LPIN1: variants seen among roughly 807,000 people sequenced by gnomAD.
LPIN1 encodes the protein lipin 1.
Under a neutral mutation model 107.5 loss-of-function variants are expected in LPIN1, and 71 were observed. The ratio of observed to expected loss-of-function variants is 0.66; its 90% confidence interval spans 0.55 to 0.80. LPIN1 has a LOEUF of 0.80. Ranked by LOEUF, LPIN1 falls within the 30% of genes least tolerant of loss-of-function variation. LPIN1 has a pLI of 0.00. For missense variants in LPIN1, 1,043 were observed against 1,160.6 expected (o/e 0.90, Z 1.47); for synonymous variants, 445 against 452.6 (o/e 0.98, Z 0.21).
At chr2:11,814,168 G>C (rs1362143210) in intron 17 of LPIN1, among the ~76,000 whole-genome samples, 3 of 152,016 alleles carry the variant, frequency 2.0e-5, no homozygotes, top group African/African-American at 7.2e-5. Flanking sequence ...TGGCTGCTGA[G>C]GAGGAGAACA....
intron 2 of LPIN1, among the ~76,000 whole-genome samples, chr2:11,714,468 G>T (rs1048933695): frequency 6.6e-6 from 1 of 152,190 alleles, no homozygotes; most frequent in Admixed American, 6.5e-5. Flanking sequence ...TTGTTTGGGT[G>T]GGGGGATATT....
intron 17 of LPIN1, among the ~76,000 whole-genome samples, chr2:11,810,341 G>A (rs949359998): frequency 1.3e-5 from 2 of 152,156 alleles, no homozygotes; most frequent in Non-Finnish European, 2.9e-5. Context: ...GGAGGAGCAG[G>A]GTTTCAAAGG....
At chr2:11,822,134 A>C (rs947953451) in intron 20 of LPIN1, among the ~76,000 whole-genome samples, 1 of 152,086 alleles carries the variant, frequency 6.6e-6, no homozygotes, top group Non-Finnish European at 1.5e-5. Context: ...TAATTTATAC[A>C]GGAGAAAGGA....
intron 1 of LPIN1, among the ~76,000 whole-genome samples, chr2:11,758,246 C>T (rs1361793870): frequency 1.3e-5 from 2 of 151,468 alleles, no homozygotes; most frequent in Non-Finnish European, 2.9e-5. Flanking sequence ...AATATCTTTT[C>T]GAGACCTGCT....
At chr2:11,717,591 T>C (rs1371041889) in intron 2 of LPIN1, among the ~76,000 whole-genome samples, 2 of 151,828 alleles carry the variant, frequency 1.3e-5, no homozygotes, top group East Asian at 1.9e-4. Flanking sequence ...CTTGTTACCA[T>C]TGGAATCTAT....
At chr2:11,684,978 G>C (rs535421224) in intron 1 of LPIN1, among the ~76,000 whole-genome samples, 5 of 152,250 alleles carry the variant, frequency 3.3e-5, no homozygotes, top group African/African-American at 9.6e-5. Flanking sequence ...CAGTCCAGGT[G>C]GGGGAGAAAA....
rs946594237 is a variant in LPIN1 at position 11,741,521 on chromosome 2, C to T, written c.9+93C>T. ...TTGGCAACTGCAAGGAAAAGAACTG[C>T]GTAAATTGGTTCCAAACATTGCCAC... On this transcript the variant is annotated intron_variant, in intron 2 of 21. Coordinates refer to the LPIN1 transcript ENST00000396097. The T allele has an allele frequency of 3.4e-5, 35 of 1,028,352 alleles. No homozygotes were observed. The African/African-American group carries it at 3.9e-4, about 11-fold the overall frequency. 63.7% of individuals were successfully genotyped at this position (1,028,352 alleles called of 1,614,324 possible).
At position 11,771,806 on chromosome 2, in the gene LPIN1, C is replaced by T; in HGVS notation, c.596+127C>T. 1 of 996,620 alleles carries T rather than the reference C, an allele frequency of 1.0e-6. No individual in the cohort carries two copies. Among genetic ancestry groups the T allele is most frequent in the Non-Finnish European group, 1.5e-6 (1 of 679,414 alleles). 61.7% of individuals were successfully genotyped at this position (996,620 alleles called of 1,614,324 possible). Reference sequence around the variant, plus strand: ...GTGTTTTAGACCAGTGGTCCCCAACCTTTTTGGCACTAGGGACCAGTTTTG... The same window carrying T: ...GTGTTTTAGACCAGTGGTCCCCAACTTTTTTGGCACTAGGGACCAGTTTTG... On this transcript the variant is annotated intron_variant, in intron 4 of 20. Transcript: ENST00000674199. The surrounding 1 kb of genome is among the most constrained non-coding windows in gnomAD (Gnocchi z 4.8).
chr2:11,782,446 A>C lies in LPIN1; in HGVS notation c.1203A>C (p.Lys401Asn), dbSNP rs1002583944. ...APLLPMIEEL[K>N]PPSASVVQTA... ...TCTTGCCCATGATCGAGGAGCTCAA[A>C]CCCCCCTCTGCCAGTGTAGTCCAGA... is the stretch of plus-strand genomic sequence containing the variant. Residue 401 changes from lysine (K) to asparagine (N), a missense_variant, in exon 8 of 21, where the codon AAA becomes AAC. By Grantham distance (94) the Lys-to-Asn change is moderately conservative (BLOSUM62 0). Transcript: ENST00000674199. 2 of 1,613,874 alleles carry C rather than the reference A, an allele frequency of 1.2e-6. No homozygotes were observed. The highest frequency in any genetic ancestry group is 2.7e-5 in the African/African-American group (2 of 74,836).
chr2:11,687,453 G>A (rs1479150728), intron 1 of LPIN1, among the ~76,000 whole-genome samples: 5 of 151,796 alleles, frequency 3.3e-5, no homozygotes, highest in African/African-American at 4.9e-5. Context: ...GCAGGCGGAT[G>A]TGATATCTCC....
In LPIN1 at chr2:11,785,128, C is replaced by T; in HGVS notation, c.1549+52C>T. 2.1e-6 allele frequency: 3 copies of T among 1,409,212 alleles called. No individual in the cohort carries two copies. The South Asian group carries it at 4.1e-5, about 19-fold the overall frequency. The allele number at this position is 1,409,212 out of a possible 1,614,324, so 87.3% of individuals were successfully genotyped here. On this transcript the variant is annotated intron_variant, in intron 10 of 20. Transcript: ENST00000674199. The stretch of plus-strand genomic sequence containing the variant: ...TCTGGTGGCCGCCGGTCAGAAGGCG[C>T]AGAGGCTTAGGCTTCTCCAAGGAGT...
rs1174130211 is a variant in LPIN1, at chr2:11,785,218, A to G, written c.1549+142A>G. On this transcript the variant is annotated intron_variant, in intron 10 of 20. Coordinates refer to ENST00000674199, the MANE Select transcript of LPIN1 (RefSeq NM_001349206.2). ...TAGCACAGATGATAGCACCGAACTC[A>G]TAATCCCGATGTTTCTGGCTTGCAG... The G allele has an allele frequency of 4.6e-6, 3 of 652,260 alleles. No individual in the cohort carries two copies. The East Asian group carries it at 8.3e-5, about 18-fold the overall frequency. 40.4% of individuals were successfully genotyped at this position (652,260 alleles called of 1,614,324 possible).
intron 1 of LPIN1, among the ~76,000 whole-genome samples, chr2:11,738,964 T>C (rs555998790): frequency 2.6e-5 from 4 of 152,284 alleles, no homozygotes; most frequent in African/African-American, 9.6e-5. Flanking sequence ...TAGAAATAGA[T>C]CCCTAAATTA....
intron 1 of LPIN1, among the ~76,000 whole-genome samples, chr2:11,753,360 A>T (rs1455894223): frequency 6.6e-6 from 1 of 152,108 alleles, no homozygotes; most frequent in Admixed American, 6.5e-5. Context: ...GAGTTTTTGT[A>T]TTTTGGACGG....
intron 17 of LPIN1, among the ~76,000 whole-genome samples, chr2:11,811,991 A>G (rs1679748233): frequency 6.6e-6 from 1 of 152,264 alleles, no homozygotes; most frequent in Non-Finnish European, 1.5e-5. Context: ...CTCAAAAAAA[A>G]AGAAAAAAAA....
At chr2:11,722,989 T>C (rs1179692591), upstream of LPIN1, among the ~76,000 whole-genome samples, 1 of 152,196 alleles carries the variant, frequency 6.6e-6, no homozygotes, top group Non-Finnish European at 1.5e-5. Flanking sequence ...TACCCTGCCT[T>C]TGAACATTAG....
At chr2:11,710,463 A>C (rs1663350872) in intron 1 of LPIN1, among the ~76,000 whole-genome samples, 1 of 151,888 alleles carries the variant, frequency 6.6e-6, no homozygotes. Context: ...CTGAACAAGG[A>C]CCTGAACAGT....
chr2:11,800,629 T>G (rs900077326), intron 14 of LPIN1, among the ~76,000 whole-genome samples: 4 of 152,086 alleles, frequency 2.6e-5, no homozygotes, highest in Non-Finnish European at 5.9e-5. Flanking sequence ...TGGGGATCAC[T>G]TCTTAAATGA....
chr2:11,806,022 C>T (rs1678622220), intron 17 of LPIN1, among the ~76,000 whole-genome samples: 1 of 152,188 alleles, frequency 6.6e-6, no homozygotes, highest in African/African-American at 2.4e-5. Context: ...GCATTCTGTT[C>T]TCCAGCCAGT....
Sources: gnomAD v4.1 joint callset for allele counts (sites outside exome capture counted in the v4.1 genomes callset) on GRCh38, gnomAD v4.1.1 for gene constraint, Gnocchi (gnomAD v3.1) non-coding constraint, MANE v1.5 for transcripts, NCBI Gene and HGNC (gene_info 2026-07-23, HGNC 2026-07-21) for gene names.